SDR16C5: variants seen among roughly 807,000 people sequenced by gnomAD.
SDR16C5 encodes epidermal retinol dehydrogenase 2.
SDR16C5 carries 20 observed loss-of-function variants against 27.7 expected under a neutral mutation model. The ratio of observed to expected loss-of-function variants is 0.72; its 90% CI spans 0.51 to 1.05. The LOEUF is 1.05. Among genes scored for constraint, SDR16C5 ranks in the 50% least tolerant of loss-of-function variants. The pLI is 0.00. For missense variants in SDR16C5, 374 were observed against 366.3 expected, an observed-to-expected ratio of 1.02 and a Z score of -0.17; for synonymous variants, 139 against 132.3, an observed-to-expected ratio of 1.05 and a Z score of -0.35.
chr8:56,311,827 C>A (rs1815051641), intron 3 of SDR16C5, among the ~76,000 whole-genome samples: 1 of 152,228 alleles, frequency 6.6e-6, no homozygotes, highest in South Asian at 2.1e-4. Context: ...TGGAGCAAAT[C>A]TTTTAAGTTC....
intron 1 of SDR16C5, among the ~76,000 whole-genome samples, chr8:56,316,624 A>G (rs1304674074): frequency 6.6e-6 from 1 of 152,192 alleles, no homozygotes; most frequent in African/African-American, 2.4e-5. Context: ...AATGTTTGTT[A>G]ACCAGGAACT....
At chr8:56,316,435 T>G in intron 1 of SDR16C5, 74 bp from the exon 2 acceptor site, 3 of 889,592 alleles carry the variant, frequency 3.4e-6, no homozygotes, top group Non-Finnish European at 5.3e-6. Flanking sequence ...ACGGAGCTCC[T>G]ATTTTCTGAA....
intron 4 of SDR16C5, 42 bp downstream of exon 4, chr8:56,308,886 T>C (rs778247136): frequency 1.5e-6 from 2 of 1,367,734 alleles, no homozygotes; most frequent in Admixed American, 3.5e-5. Context: ...AAGTTAAAGT[T>C]ATAGGGAATT....
chr8:56,303,377 G>A (rs1222451951), intron 6 of SDR16C5, among the ~76,000 whole-genome samples: 1 of 151,228 alleles, frequency 6.6e-6, no homozygotes, highest in Non-Finnish European at 1.5e-5. Flanking sequence ...CTCCCACTGT[G>A]GGGTTTCCTT....
At chr8:56,301,633 C>T (rs1170473840) in intron 6 of SDR16C5, 60 bp from the exon 7 acceptor site, 8 of 1,260,312 alleles carry the variant, frequency 6.3e-6, no homozygotes, top group African/African-American at 1.5e-5. Flanking sequence ...TCTTTACCAC[C>T]TCTACTGAAA....
At chr8:56,302,672 CAAA>C (rs36094743) in intron 6 of SDR16C5, among the ~76,000 whole-genome samples, 4 of 109,244 alleles carry the variant, frequency 3.7e-5, no homozygotes, top group Non-Finnish European at 3.8e-5. Flanking sequence ...GAGTCCATCT[CAAA>C]AAAAAAAAAA....
intron 4 of SDR16C5, among the ~76,000 whole-genome samples, chr8:56,308,026 TAAG>T (rs1440313424): frequency 6.6e-6 from 1 of 152,170 alleles, no homozygotes; most frequent in African/African-American, 2.4e-5. Context: ...TGATAAGTTC[TAAG>T]AAGGAGAGAG....
intron 5 of SDR16C5, among the ~76,000 whole-genome samples, 169 bp from the exon 6 acceptor site, chr8:56,305,891 C>T (rs547388468): frequency 1.3e-5 from 2 of 152,082 alleles, no homozygotes; most frequent in Non-Finnish European, 2.9e-5. Context: ...TGTGTCAATG[C>T]AGTAAGTAGT....
chr8:56,312,306 A>G lies in SDR16C5; in HGVS notation c.334-18T>C, dbSNP rs1478719093. Reference sequence around the variant, plus strand: ...TTTTTAACCTGAATTGAATAAGAGCAACACCACCAATGTAGTAATTCCTTA... The same window carrying G: ...TTTTTAACCTGAATTGAATAAGAGCGACACCACCAATGTAGTAATTCCTTA... On this transcript the variant is annotated intron_variant, in intron 2 of 6. Coordinates refer to ENST00000303749, the MANE Select transcript of SDR16C5 (RefSeq NM_138969.4). 1 of 1,609,316 alleles carries G rather than the reference A, an allele frequency of 6.2e-7. No homozygotes were observed. Among genetic ancestry groups the G allele is most frequent in the South Asian group, 1.1e-5 (1 of 90,940 alleles).
Position 56,301,392 on chromosome 8 carries a change from T to G in SDR16C5, c.*88A>C, listed in dbSNP as rs900151593. On this transcript the variant is annotated 3_prime_UTR_variant, in exon 7 of 7. Transcript: ENST00000303749. ...TGGTACTTGTGGTCTCCAGATATAT[T>G]CCACTGTCAGACAAAAATACTTTTC... The G allele has an allele frequency of 1.2e-5, 11 of 880,814 alleles. No individual in the cohort carries two copies. The highest frequency in any genetic ancestry group is 1.9e-5 in the Non-Finnish European group (10 of 522,638). 54.6% of individuals were successfully genotyped at this position (880,814 alleles called of 1,614,324 possible).
At chr8:56,318,155 G>C (rs1815246856) in intron 1 of SDR16C5, among the ~76,000 whole-genome samples, 2 of 152,096 alleles carry the variant, frequency 1.3e-5, no homozygotes, top group Non-Finnish European at 2.9e-5. Context: ...CCTGGCAGAG[G>C]GACAAAATAG....
intron 2 of SDR16C5, among the ~76,000 whole-genome samples, chr8:56,312,719 G>A (rs7832756): frequency 6.7e-6 from 1 of 150,216 alleles, no homozygotes; most frequent in Admixed American, 6.6e-5. Flanking sequence ...AATAAATAAA[G>A]AAATAAATAC....
intron 6 of SDR16C5, among the ~76,000 whole-genome samples, chr8:56,304,874 A>G (rs1471024645): frequency 3.3e-5 from 5 of 151,664 alleles, no homozygotes; most frequent in African/African-American, 9.7e-5. Flanking sequence ...GGCTCAACCA[A>G]TCCTCCTGCC....
At chr8:56,318,604 A>G (rs1815257866) in intron 1 of SDR16C5, among the ~76,000 whole-genome samples, 1 of 152,228 alleles carries the variant, frequency 6.6e-6, no homozygotes, top group Admixed American at 6.5e-5. Flanking sequence ...ATAGAGGGAC[A>G]GAGGTCTACT....
intron 1 of SDR16C5, among the ~76,000 whole-genome samples, chr8:56,318,565 T>C (rs748326074): frequency 6.6e-6 from 1 of 152,190 alleles, no homozygotes; most frequent in Non-Finnish European, 1.5e-5. Context: ...GACCACCACA[T>C]TCCCTTTTAT....
intron 1 of SDR16C5, among the ~76,000 whole-genome samples, chr8:56,317,807 C>A (rs527591185): frequency 6.6e-6 from 1 of 152,234 alleles, no homozygotes; most frequent in Non-Finnish European, 1.5e-5. Flanking sequence ...TGCTGGTTAG[C>A]TGGTGAGGGC....
chr8:56,316,487 T>G, intron 1 of SDR16C5, 126 bp from the exon 2 acceptor site: 1 of 638,494 alleles, frequency 1.6e-6, no homozygotes, highest in Non-Finnish European at 2.7e-6. Context: ...ACAGCTCTCC[T>G]GGTAGCAGAC....
chr8:56,316,161 G>T lies in SDR16C5; in HGVS notation c.187C>A (p.Leu63Met). 6.2e-7 allele frequency: 1 copy of T among 1,614,048 alleles called. No homozygotes were observed. The highest frequency in any genetic ancestry group is 8.5e-7 in the Non-Finnish European group (1 of 1,179,988). Residue 63 changes from leucine to methionine, a missense_variant, in exon 2 of 7, where the codon CTG (leucine) becomes ATG (methionine). Transcript: ENST00000303749. Reference protein sequence around the residue: ...GRLLALQFARLGSVLVLWDIN... With the variant: ...GRLLALQFARMGSVLVLWDIN... Reference sequence around the variant, plus strand: ...TCCCAGAGAACAAGAACAGATCCCAGCCGGGCAAACTGCAAGGCTAAGAGC... The same window carrying T: ...TCCCAGAGAACAAGAACAGATCCCATCCGGGCAAACTGCAAGGCTAAGAGC...
At position 56,306,673 on chromosome 8, in the gene SDR16C5, T is replaced by C. The variant is rs376903495; in HGVS notation, c.710+3A>G. 1.3e-6 allele frequency: 2 copies of C among 1,597,502 alleles called. No homozygotes were observed. The highest frequency in any genetic ancestry group is 1.7e-6 in the Non-Finnish European group (2 of 1,174,004). On this transcript the variant is annotated splice_donor_region_variant and intron_variant, in intron 5 of 6. Transcript: ENST00000303749. ...ATTCTTTGAAATTAAAGGACATACT[T>C]ACCCTGTAGTACAACCTTCAAACAT...
Sources: gnomAD v4.1 joint callset for allele counts (sites outside exome capture counted in the v4.1 genomes callset) on GRCh38, gnomAD v4.1.1 for gene constraint, MANE v1.5 for transcripts, NCBI Gene and HGNC (gene_info 2026-07-23, HGNC 2026-07-21) for gene names.